SMARCC1: variants seen among roughly 807,000 people sequenced by gnomAD.
SMARCC1 encodes the protein SWI/SNF complex subunit SMARCC1.
A neutral mutation model predicts 147.4 loss-of-function variants in SMARCC1; 43 were observed. The ratio of observed to expected loss-of-function variants is 0.29; its 90% CI spans 0.23 to 0.38. The LOEUF (loss-of-function observed/expected upper bound fraction) is 0.38, where lower values mean the gene tolerates loss of function less well. Ranked by LOEUF, SMARCC1 falls within the 10% of genes least tolerant of loss-of-function variation. The pLI is 1.00. For synonymous variants in SMARCC1, 495 were observed against 484.4 expected (o/e 1.02, Z -0.29); for missense variants, 1,119 against 1,381.1 (o/e 0.81, Z 3.01).
At chr3:47,653,748 T>C (rs142760481) in intron 21 of SMARCC1, among the ~76,000 whole-genome samples, 92 of 152,354 alleles carry the variant, frequency 6.0e-4, no homozygotes, top group South Asian at 2.5e-3. Flanking sequence ...ATTTATGTTA[T>C]GGTCTGTTTT....
chr3:47,686,460 AC>A (rs1358661123), intron 13 of SMARCC1, among the ~76,000 whole-genome samples: 1 of 152,198 alleles, frequency 6.6e-6, no homozygotes, highest in African/African-American at 2.4e-5. Flanking sequence ...GTTTCAATGC[AC>A]AGGACTTCAG....
At chr3:47,622,163 A>C (rs749259441) in intron 25 of SMARCC1, 44 bp downstream of exon 25, 6 of 1,557,664 alleles carry the variant, frequency 3.9e-6, no homozygotes, top group Non-Finnish European at 5.2e-6. Flanking sequence ...AAAGTGACCA[A>C]GGTTTAATTG....
Position 47,781,866 on chromosome 3 carries a change from G to T in SMARCC1, c.-69C>A. 1 of 1,079,960 alleles carries T rather than the reference G, an allele frequency of 9.3e-7. No homozygotes were observed. Among genetic ancestry groups the T allele is most frequent in the Non-Finnish European group, 1.2e-6 (1 of 842,500 alleles). 66.9% of individuals were successfully genotyped at this position (1,079,960 alleles called of 1,614,324 possible). A position where few individuals can be genotyped will look rare whatever the true frequency, so the allele number is the denominator to read the frequency against. ...CGCGGTGTTTCCCGGTCGTTCCCGC[G>T]CGCACCCCCGCGCGCGTAGCCGCCA... On this transcript the variant is annotated 5_prime_UTR_variant, in exon 1 of 28. Transcript: ENST00000254480.
intron 2 of SMARCC1, among the ~76,000 whole-genome samples, chr3:47,760,833 T>C (rs2034764964): frequency 2.0e-5 from 3 of 151,800 alleles, no homozygotes; most frequent in Admixed American, 6.6e-5. Context: ...CTCTATCAAA[T>C]TAAAAATTAA....
intron 20 of SMARCC1, 54 bp downstream of exon 20, chr3:47,662,280 A>C (rs1225596550): frequency 2.0e-6 from 3 of 1,500,892 alleles, no homozygotes; most frequent in African/African-American, 1.4e-5. Flanking sequence ...GTAATATTTA[A>C]ATTGGGATAA....
At chr3:47,687,473 A>T (rs1312924700) in intron 13 of SMARCC1, among the ~76,000 whole-genome samples, 2 of 152,212 alleles carry the variant, frequency 1.3e-5, no homozygotes, top group Non-Finnish European at 2.9e-5. Flanking sequence ...AAGGAAGATG[A>T]CATTGTGGGA....
chr3:47,762,647 C>T (rs1423454399), intron 2 of SMARCC1, among the ~76,000 whole-genome samples: 1 of 152,218 alleles, frequency 6.6e-6, no homozygotes, highest in Non-Finnish European at 1.5e-5. Flanking sequence ...TGAGGCTAGG[C>T]ACAGTGGCTC....
intron 3 of SMARCC1, among the ~76,000 whole-genome samples, chr3:47,740,101 C>G (rs2034491104): frequency 6.6e-6 from 1 of 150,562 alleles, no homozygotes; most frequent in Non-Finnish European, 1.5e-5. Flanking sequence ...AACTCCTGAC[C>G]TCAGGTGATC....
In SMARCC1 at chr3:47,708,083, C is replaced by CTTTTT. The variant is rs915291740; in HGVS notation, c.919-1558_919-1554dup. Among the ~76,000 whole-genome samples, 285 of 64,368 alleles carry CTTTTT rather than the reference C, an allele frequency of 4.4e-3. 1 individual carries two copies. The highest frequency in any genetic ancestry group is 0.019 in the Middle Eastern group (1 of 54). 42.2% of individuals were successfully genotyped at this position (64,368 alleles called of 152,430 possible). A position where few individuals can be genotyped will look rare whatever the true frequency, so the allele number is the denominator to read the frequency against. ...GTAAATCTGAAGTTGAATTTTTTTT[C>CTTTTT]TTTTTTTTTTTTTTTTTTTTTTTTT... On this transcript the variant is annotated intron_variant, in intron 9 of 27. Coordinates refer to ENST00000254480, the MANE Select transcript of SMARCC1 (RefSeq NM_003074.4).
chr3:47,713,698 T>C (rs2034119511), intron 8 of SMARCC1, among the ~76,000 whole-genome samples: 2 of 152,188 alleles, frequency 1.3e-5, no homozygotes, highest in South Asian at 4.1e-4. Context: ...CCATAAACTT[T>C]ATTTCCACAT....
intron 25 of SMARCC1, among the ~76,000 whole-genome samples, chr3:47,611,503 GT>G (rs753321136): frequency 2.4e-4 from 36 of 152,104 alleles, no homozygotes; most frequent in Non-Finnish European, 4.7e-4. Flanking sequence ...CATTTCACCT[GT>G]TTTTAATTTG....
At chr3:47,763,392 G>C (rs1425240461) in intron 2 of SMARCC1, among the ~76,000 whole-genome samples, 2 of 145,100 alleles carry the variant, frequency 1.4e-5, no homozygotes, top group African/African-American at 2.5e-5. Flanking sequence ...GGCAACAATA[G>C]CGAGACTCCA....
At chr3:47,676,872 A>G in intron 16 of SMARCC1, 90 bp from the exon 17 acceptor site, 1 of 1,127,332 alleles carries the variant, frequency 8.9e-7, no homozygotes, top group Non-Finnish European at 1.3e-6. Context: ...AACAGAAACA[A>G]TAAAACCAGT....
chr3:47,678,001 T>A (rs2033595282), intron 16 of SMARCC1, among the ~76,000 whole-genome samples, 197 bp downstream of exon 16: 1 of 151,928 alleles, frequency 6.6e-6, no homozygotes, highest in African/African-American at 2.4e-5. Flanking sequence ...AAAATTAAAT[T>A]AATAAAATAG....
chr3:47,601,456 C>G (rs1180204219), intron 26 of SMARCC1, among the ~76,000 whole-genome samples: 1 of 152,094 alleles, frequency 6.6e-6, no homozygotes, highest in Non-Finnish European at 1.5e-5. Flanking sequence ...ATAACAAAAT[C>G]AGGGCCAAGT....
intron 26 of SMARCC1, among the ~76,000 whole-genome samples, chr3:47,596,920 G>A (rs537124446): frequency 2.6e-5 from 4 of 151,950 alleles, no homozygotes; most frequent in African/African-American, 9.7e-5. Flanking sequence ...TCTTGGCTAG[G>A]GGCGGTGGCT....
intron 26 of SMARCC1, among the ~76,000 whole-genome samples, chr3:47,608,849 TAAAAAAAAAAAA>T (rs35698988): frequency 9.2e-5 from 8 of 86,864 alleles, no homozygotes; most frequent in Non-Finnish European, 1.5e-4. Flanking sequence ...ACAGTGTCTT[TAAAAAAAAAAAA>T]AAAAAAAAAA....
At chr3:47,597,611 C>T (rs1172444904) in intron 26 of SMARCC1, among the ~76,000 whole-genome samples, 1 of 152,172 alleles carries the variant, frequency 6.6e-6, no homozygotes, top group Non-Finnish European at 1.5e-5. Context: ...CAGGCGTGAG[C>T]CACCATGCCC....
rs1040766034 is a variant in SMARCC1, at chr3:47,663,671, G to A, written c.1900-1079C>T. On this transcript the variant is annotated intron_variant, in intron 19 of 27. Transcript: ENST00000254480. ...CCCCTTTGAACCATCGAAGCCCCCA[G>A]TCATTGAGGGGCTTAGCCCCACTGT... 15 of 1,494,268 alleles carry A rather than the reference G, an allele frequency of 1.0e-5. No homozygotes were observed. In the African/African-American group the frequency reaches 1.6e-4, roughly 16 times the overall value. The allele number at this position is 1,494,268 out of a possible 1,614,324, so 92.6% of individuals were successfully genotyped here.
Sources: allele counts gnomAD v4.1 joint callset (sites outside exome capture counted in the v4.1 genomes callset), GRCh38; gene constraint gnomAD v4.1.1; transcripts MANE v1.5; gene names NCBI Gene and HGNC (gene_info 2026-07-23, HGNC 2026-07-21).